TCF4: variants seen among roughly 807,000 people sequenced by gnomAD.
TCF4 encodes SL3-3 enhancer factor 2.
In TCF4, 3 loss-of-function variants were observed where a neutral mutation model predicts 82.1. The ratio of observed to expected loss-of-function variants is 0.04; its 90% CI spans 0.02 to 0.09. The LOEUF is 0.09. Ranked by LOEUF, TCF4 falls within the 10% of genes least tolerant of loss-of-function variation. The pLI, the probability that TCF4 is intolerant of heterozygous loss-of-function variation, is 1.00. For missense variants in TCF4, 518 were observed against 852.7 expected, an observed-to-expected ratio of 0.61 and a Z score of 4.89; for synonymous variants, 276 against 309.6, an observed-to-expected ratio of 0.89 and a Z score of 1.14.
intron 8 of TCF4, among the ~76,000 whole-genome samples, chr18:55,310,559 C>T (rs115931927): frequency 5.5e-4 from 83 of 152,272 alleles, no homozygotes; most frequent in African/African-American, 1.9e-3. Flanking sequence ...AAATCACTTC[C>T]GTATCATGGC....
At position 55,587,078 on chromosome 18, in the gene TCF4, G is replaced by A; in HGVS notation, c.39C>T (p.Asp13=). 6.2e-7 allele frequency: 1 copy of A among 1,613,508 alleles called. No individual in the cohort carries two copies. The highest frequency in any genetic ancestry group is 8.5e-7 in the Non-Finnish European group (1 of 1,179,924). ...AATCCAGTAAATCACTCAGCTCTTTGTCCGTCCCTAAGGCAGCCATTCGCT... is the reference window on the plus strand; with the variant it reads ...AATCCAGTAAATCACTCAGCTCTTTATCCGTCCCTAAGGCAGCCATTCGCT... ...HQQRMAALGT[D]KELSDLLDFS... The change falls in exon 2 of 20, where the codon GAC becomes GAT. Residue 13 remains aspartate, a synonymous_variant. Transcript: ENST00000354452.
chr18:55,254,607 C>T lies in TCF4; in HGVS notation c.1240G>A (p.Gly414Ser), dbSNP rs1464195430. ...AVGPSTAMPG[G>S]HGDMHGIIGP... ...ATGATTCCATGCATGTCCCCATGAC[C>T]ACCAGGCATAGCTGTGGATGGGCCC... is the stretch of plus-strand genomic sequence containing the variant. Residue 414 changes from glycine (G) to serine (S), a missense_variant, in exon 15 of 20, where the codon GGT (glycine) becomes AGT (serine). Gly to Ser is a moderately conservative substitution (Grantham distance 56, BLOSUM62 0). Transcript: ENST00000354452. 2 of 1,613,654 alleles carry T rather than the reference C, an allele frequency of 1.2e-6. No homozygotes were observed. The highest frequency in any genetic ancestry group is 1.7e-6 in the Non-Finnish European group (2 of 1,179,854).
In TCF4 at chr18:55,540,817, A is replaced by G. The variant is rs1216490678; in HGVS notation, c.145+44463T>C. 3.3e-5 allele frequency among the ~76,000 whole-genome samples: 5 copies of G among 152,162 alleles called. No individual in the cohort carries two copies. The East Asian group carries it at 9.6e-4, about 29-fold the overall frequency. On this transcript the variant is annotated intron_variant, in intron 3 of 19. Coordinates refer to ENST00000354452, the MANE Select transcript of TCF4 (RefSeq NM_001083962.2). ...ATATTTCAGGATTTCGTCTTTATCC[A>G]CAGGCCTTCATTCAGTCTTTCCACT...
At chr18:55,505,482 G>A (rs1321653972) in intron 3 of TCF4, among the ~76,000 whole-genome samples, 2 of 151,914 alleles carry the variant, frequency 1.3e-5, no homozygotes, top group African/African-American at 4.8e-5. Flanking sequence ...AATAACTACC[G>A]CCACTGTACA....
At chr18:55,489,130 G>C (rs1014724563) in intron 3 of TCF4, among the ~76,000 whole-genome samples, 29 of 152,138 alleles carry the variant, frequency 1.9e-4, no homozygotes, top group African/African-American at 6.3e-4. Flanking sequence ...AGGATGTGGG[G>C]GCACCCACTT....
intron 3 of TCF4, among the ~76,000 whole-genome samples, chr18:55,575,684 C>T (rs2097522850): frequency 6.6e-6 from 1 of 152,092 alleles, no homozygotes; most frequent in Non-Finnish European, 1.5e-5. Context: ...ATTGGACACA[C>T]ATGCTAAGTT....
intron 3 of TCF4, among the ~76,000 whole-genome samples, chr18:55,539,904 C>G (rs1033664333): frequency 2.0e-5 from 3 of 152,022 alleles, no homozygotes; most frequent in Non-Finnish European, 4.4e-5. Flanking sequence ...ACACAGAAAT[C>G]GTTCATTTAT....
At chr18:55,571,016 T>G (rs1292925407) in intron 3 of TCF4, among the ~76,000 whole-genome samples, 3 of 152,022 alleles carry the variant, frequency 2.0e-5, no homozygotes, top group Non-Finnish European at 4.4e-5. Context: ...AAAAAACAAC[T>G]GGACACTATC....
chr18:55,324,737 C>A (rs2076271339), intron 8 of TCF4, among the ~76,000 whole-genome samples: 1 of 151,974 alleles, frequency 6.6e-6, no homozygotes. Flanking sequence ...TGATGGTTAG[C>A]CACACTATAC....
Position 55,434,419 on chromosome 18 carries a change from C to CTT in TCF4, c.304+26598_304+26599dup, listed in dbSNP as rs765165999. On this transcript the variant is annotated intron_variant, in intron 5 of 19. Coordinates refer to ENST00000354452, the MANE Select transcript of TCF4 (RefSeq NM_001083962.2). ...TTTTCAAACAGCAATACAGGACATT[C>CTT]TTTTTTTTTTTTTTTTTTGAGATGG... Among the ~76,000 whole-genome samples the CTT allele has an allele frequency of 9.3e-3, 1,104 of 118,092 alleles. 58 individuals are homozygous for CTT. Among genetic ancestry groups the CTT allele is most frequent in the African/African-American group, 0.023 (686 of 30,258 alleles). The allele number at this position is 118,092 out of a possible 152,430, so 77.5% of individuals were successfully genotyped here. A position where few individuals can be genotyped will look rare whatever the true frequency, so the allele number is the denominator to read the frequency against.
intron 8 of TCF4, among the ~76,000 whole-genome samples, chr18:55,319,360 A>T (rs772955396): frequency 1.3e-5 from 2 of 152,186 alleles, no homozygotes; most frequent in Non-Finnish European, 2.9e-5. Context: ...CTGCTTCCTC[A>T]GTGTATGCAT....
At chr18:55,577,907 G>C (rs1047257083) in intron 3 of TCF4, among the ~76,000 whole-genome samples, 4 of 152,028 alleles carry the variant, frequency 2.6e-5, no homozygotes, top group Non-Finnish European at 5.9e-5. Context: ...TAAAATGTCA[G>C]AGAAAAAAGT....
intron 3 of TCF4, among the ~76,000 whole-genome samples, chr18:55,569,108 A>T (rs2097435814): frequency 6.6e-6 from 1 of 152,180 alleles, no homozygotes; most frequent in Admixed American, 6.5e-5. Context: ...ATCTATCAAC[A>T]TCAACATCAC....
intron 15 of TCF4, among the ~76,000 whole-genome samples, chr18:55,251,360 A>T (rs2055042609): frequency 2.0e-5 from 3 of 152,200 alleles, no homozygotes; most frequent in Non-Finnish European, 4.4e-5. Flanking sequence ...ATACTTAGTA[A>T]ATCACTGAAG....
chr18:55,392,462 C>CAAAAA (rs772409228), intron 6 of TCF4, among the ~76,000 whole-genome samples: 8 of 95,494 alleles, frequency 8.4e-5, no homozygotes, highest in African/African-American at 1.9e-4. Flanking sequence ...AACAACCCCA[C>CAAAAA]AAAAAAAAAA....
chr18:55,315,416 A>G (rs926453322), intron 8 of TCF4, among the ~76,000 whole-genome samples: 2 of 152,196 alleles, frequency 1.3e-5, no homozygotes, highest in African/African-American at 4.8e-5. Context: ...AGAGACAGAA[A>G]TATCAGAAAT....
intron 2 of TCF4, among the ~76,000 whole-genome samples, chr18:55,623,527 CAAAT>C (rs1456187364): frequency 1.3e-5 from 2 of 152,118 alleles, no homozygotes; most frequent in African/African-American, 4.8e-5. Flanking sequence ...TATTACATCA[CAAAT>C]GAATACTATG....
At chr18:55,507,596 C>A (rs1403069332) in intron 3 of TCF4, among the ~76,000 whole-genome samples, 1 of 152,038 alleles carries the variant, frequency 6.6e-6, no homozygotes, top group East Asian at 1.9e-4. Flanking sequence ...TTTTGCCTAC[C>A]TAGGGGTTCC....
chr18:55,259,739 A>T (rs1393681916), intron 13 of TCF4: 2 of 561,464 alleles, frequency 3.6e-6, no homozygotes, highest in Non-Finnish European at 6.3e-6. Context: ...TAAAAAGATA[A>T]TCTAATTTTT....
Sources: gnomAD v4.1 joint callset for allele counts (sites outside exome capture counted in the v4.1 genomes callset) on GRCh38, gnomAD v4.1.1 for gene constraint, MANE v1.5 for transcripts, NCBI Gene and HGNC (gene_info 2026-07-23, HGNC 2026-07-21) for gene names.